Variants in PRKG2 observed in about 807,000 individuals in gnomAD.
PRKG2 encodes protein kinase cGMP-dependent 2, also known as cGMP-dependent protein kinase 2.
In PRKG2, 33 loss-of-function variants were observed where a neutral mutation model predicts 97.2. The ratio of observed to expected loss-of-function variants is 0.34; its 90% CI spans 0.26 to 0.45. The LOEUF is 0.45. Ranked by LOEUF, PRKG2 falls within the 20% of genes least tolerant of loss-of-function variation. The probability of loss-of-function intolerance (pLI) is 1.00; values close to 1 mark genes in which losing one functional copy is unlikely to be tolerated. For missense variants in PRKG2, 638 were observed against 900.0 expected, an observed-to-expected ratio of 0.71 and a Z score of 3.73; for synonymous variants, 330 against 321.8, an observed-to-expected ratio of 1.03 and a Z score of -0.27.
intron 6 of PRKG2, among the ~76,000 whole-genome samples, chr4:81,162,239 T>C (rs1017924425): frequency 6.6e-6 from 1 of 152,176 alleles, no homozygotes; most frequent in East Asian, 1.9e-4. Context: ...ACTGTTAATC[T>C]TACGAAAGAG....
At chr4:81,217,446 C>G (rs1321463212), upstream of PRKG2, among the ~76,000 whole-genome samples, 1 of 152,264 alleles carries the variant, frequency 6.6e-6, no homozygotes, top group Middle Eastern at 3.4e-3. Context: ...ATCCTATGCT[C>G]TGTCAAATCT....
rs1002598743 is a variant in PRKG2 at position 81,151,996 on chromosome 4, T to C, written c.1049A>G (p.Gln350Arg). ...HDQPQLIKTLQKGEYFGEKAL... is the reference protein window; with the variant it reads ...HDQPQLIKTLRKGEYFGEKAL... ...TTTTTCTCCAAAGTATTCTCCTTTC[T>C]GCAGTGTTTTTATCAGCTGTGGTTG... The change falls in exon 8 of 19, where the codon CAG becomes CGG. Residue 350 changes from glutamine (Q) to arginine (R), a missense_variant. Physicochemically the swap from Gln to Arg is conservative, Grantham distance 43. Coordinates refer to ENST00000264399, the MANE Select transcript of PRKG2 (RefSeq NM_006259.3). 4 of 1,613,244 alleles carry C rather than the reference T, an allele frequency of 2.5e-6. No homozygotes were observed. The highest frequency in any genetic ancestry group is 3.4e-6 in the Non-Finnish European group (4 of 1,179,538).
In PRKG2 at chr4:81,213,364, G is replaced by A. The variant is rs537047689; in HGVS notation, c.-14+1572C>T. The stretch of plus-strand genomic sequence containing the variant: ...AAGAGGAGGAGAAGCAAACCACAAA[G>A]GAGAAGGAACACGTGTACCAATAAG... On this transcript the variant is annotated intron_variant, in intron 1 of 18. Transcript: ENST00000264399. Among the ~76,000 whole-genome samples the A allele has an allele frequency of 1.4e-4, 21 of 152,246 alleles. No homozygotes were observed. In the East Asian group the frequency reaches 2.7e-3, roughly 20 times the overall value.
chr4:81,166,388 CT>C (rs1362656898), intron 6 of PRKG2, among the ~76,000 whole-genome samples: 1 of 151,882 alleles, frequency 6.6e-6, no homozygotes, highest in African/African-American at 2.4e-5. Context: ...TCCTTACCTC[CT>C]TTAAATTCCA....
chr4:81,155,846 G>A (rs895403273), intron 6 of PRKG2, among the ~76,000 whole-genome samples: 1 of 151,886 alleles, frequency 6.6e-6, no homozygotes, highest in Non-Finnish European at 1.5e-5. Context: ...ATAAGTGAAG[G>A]AGAAATAAAA....
chr4:81,188,107 T>G (rs1455783211), intron 2 of PRKG2, among the ~76,000 whole-genome samples: 1 of 151,952 alleles, frequency 6.6e-6, no homozygotes, highest in Non-Finnish European at 1.5e-5. Flanking sequence ...GGGAGAAAAT[T>G]TTTGCAACCT....
At chr4:81,175,067 T>C (rs1750804814) in intron 2 of PRKG2, 108 bp from the exon 3 acceptor site, 9 of 1,111,616 alleles carry the variant, frequency 8.1e-6, no homozygotes, top group Non-Finnish European at 1.1e-5. Flanking sequence ...AACTTATAAC[T>C]TTCTAGCAAG....
At chr4:81,172,792 T>A (rs758514302) in intron 3 of PRKG2, among the ~76,000 whole-genome samples, 5 of 152,120 alleles carry the variant, frequency 3.3e-5, no homozygotes, top group Non-Finnish European at 7.4e-5. Context: ...TCTCTGTCCA[T>A]CCCTTCATTC....
chr4:81,216,055 T>C (rs1754262103), upstream of PRKG2, among the ~76,000 whole-genome samples: 1 of 152,020 alleles, frequency 6.6e-6, no homozygotes, highest in Non-Finnish European at 1.5e-5. Flanking sequence ...GCAGTTTCTG[T>C]GTTGAGAGAT....
intron 17 of PRKG2, among the ~76,000 whole-genome samples, chr4:81,099,579 A>C (rs1431472597): frequency 6.6e-6 from 1 of 152,188 alleles, no homozygotes; most frequent in African/African-American, 2.4e-5. Context: ...AATAAGAGCT[A>C]TCTATGACAA....
chr4:81,154,048 C>A lies in PRKG2; in HGVS notation c.913-327G>T, dbSNP rs967906140. ...TCGGGTCACTCTCACCCGAATATCG[C>A]GCTTTTGGGACGGCCTTAAAAAAAC... is the stretch of plus-strand genomic sequence containing the variant. On this transcript the variant is annotated intron_variant, in intron 6 of 18. Coordinates refer to ENST00000264399, the MANE Select transcript of PRKG2 (RefSeq NM_006259.3). 6.4e-5 allele frequency: 11 copies of A among 171,948 alleles called. No individual in the cohort carries two copies. The East Asian group carries it at 1.7e-3, about 27-fold the overall frequency. 10.7% of individuals were successfully genotyped at this position (171,948 alleles called of 1,614,324 possible).
chr4:81,151,967 G>A lies in PRKG2; in HGVS notation c.1078C>T (p.Leu360Phe), dbSNP rs1023017879. 6.2e-7 allele frequency: 1 copy of A among 1,607,194 alleles called. No individual in the cohort carries two copies. The highest frequency in any genetic ancestry group is 1.7e-4 in the Middle Eastern group (1 of 6,038). The change falls in exon 8 of 19, where the codon CTT (leucine) becomes TTT (phenylalanine). Residue 360 changes from leucine to phenylalanine, a missense_variant. Around this residue, in one of 3 missense-constraint regions of PRKG2, gnomAD observed 332 missense variants for 421.7 expected, o/e 0.79. Transcript: ENST00000264399. ...QKGEYFGEKA[L>F]ISDDVRSANI... The stretch of plus-strand genomic sequence containing the variant: ...TATAATTCATGAATTCACCTGATAA[G>A]AGCTTTTTCTCCAAAGTATTCTCCT...
chr4:81,201,482 C>T (rs1347084758), intron 2 of PRKG2, among the ~76,000 whole-genome samples: 2 of 152,118 alleles, frequency 1.3e-5, no homozygotes, highest in East Asian at 3.9e-4. Context: ...ATTATGAGCT[C>T]CTCCATATAA....
chr4:81,149,399 T>C lies in PRKG2; in HGVS notation c.1086-447A>G, dbSNP rs142725844. Among the ~76,000 whole-genome samples, 1,513 of 152,298 alleles carry C rather than the reference T, an allele frequency of 9.9e-3. 25 individuals carry two copies. Among genetic ancestry groups the C allele is most frequent in the African/African-American group, 0.034 (1,418 of 41,558 alleles). Reference sequence around the variant, plus strand: ...TAATAAAATAAAAAAGTAGTTTCAGTGCCATATCACCCAATTAATTAAATA... The same window carrying C: ...TAATAAAATAAAAAAGTAGTTTCAGCGCCATATCACCCAATTAATTAAATA... On this transcript the variant is annotated intron_variant, in intron 8 of 18. Transcript: ENST00000264399.
intron 2 of PRKG2, among the ~76,000 whole-genome samples, chr4:81,203,497 T>C (rs542023118): frequency 1.1e-4 from 17 of 152,204 alleles, no homozygotes; most frequent in Non-Finnish European, 2.1e-4. Context: ...AATACTTACA[T>C]TTGTGAATGT....
In PRKG2 at chr4:81,135,168, C is replaced by T; in HGVS notation, c.1763G>A (p.Gly588Asp). 6.2e-7 allele frequency: 1 copy of T among 1,604,752 alleles called. No individual in the cohort carries two copies. The highest frequency in any genetic ancestry group is 8.5e-7 in the Non-Finnish European group (1 of 1,175,226). ...KPENLILDAE[G>D]YLKLVDFGFA... ...AAGTTGTCTTACCAATTTAAGGTAA[C>T]CCTCAGCATCTAGAATTAAGTTTTC... is the stretch of plus-strand genomic sequence containing the variant. Residue 588 changes from glycine to aspartate, a missense_variant, in exon 14 of 19, where the codon GGT becomes GAT. Coordinates refer to ENST00000264399, the MANE Select transcript of PRKG2 (RefSeq NM_006259.3).
At chr4:81,131,798 GTTAT>G (rs1238412920) in intron 14 of PRKG2, among the ~76,000 whole-genome samples, 2 of 152,242 alleles carry the variant, frequency 1.3e-5, no homozygotes, top group African/African-American at 4.8e-5. Flanking sequence ...ATTAGACTGA[GTTAT>G]TTGTCTTTTC....
At chr4:81,172,549 G>A (rs149966404) in intron 3 of PRKG2, among the ~76,000 whole-genome samples, 9 of 152,266 alleles carry the variant, frequency 5.9e-5, no homozygotes, top group African/African-American at 1.9e-4. Flanking sequence ...GGCAAAGACT[G>A]GAGGAAGGGA....
chr4:81,119,290 A>C (rs1316501189), intron 14 of PRKG2, among the ~76,000 whole-genome samples: 1 of 152,166 alleles, frequency 6.6e-6, no homozygotes, highest in Non-Finnish European at 1.5e-5. Context: ...ATTTTCATGA[A>C]GGGTACATGG....
Sources: gnomAD v4.1 joint callset for allele counts (sites outside exome capture counted in the v4.1 genomes callset) on GRCh38, gnomAD v4.1.1 for gene constraint, gnomAD v4.1.1 regional missense constraint, MANE v1.5 for transcripts, NCBI Gene and HGNC (gene_info 2026-07-23, HGNC 2026-07-21) for gene names.